Variants in LRRC49 observed in about 807,000 individuals in gnomAD.
The protein encoded by LRRC49 is leucine-rich repeat-containing protein 49.
In LRRC49, 50 loss-of-function variants were observed where a neutral mutation model predicts 83.3. The ratio of observed to expected loss-of-function variants is 0.60; its 90% CI spans 0.48 to 0.76. The LOEUF (loss-of-function observed/expected upper bound fraction) is 0.76. Ranked by LOEUF, LRRC49 falls within the 30% of genes least tolerant of loss-of-function variation. The pLI is 0.00. For synonymous variants in LRRC49, 286 were observed against 283.3 expected (o/e 1.01, Z -0.10); for missense variants, 704 against 809.1 (o/e 0.87, Z 1.58).
At chr15:70,874,120 A>G (rs1174702436) in intron 2 of LRRC49, among the ~76,000 whole-genome samples, 1 of 152,188 alleles carries the variant, frequency 6.6e-6, no homozygotes. Context: ...TCAGAGCCCA[A>G]CATAACTTTT....
intron 2 of LRRC49, chr15:70,882,234 G>GAA: frequency 2.4e-6 from 1 of 409,258 alleles, no homozygotes. Flanking sequence ...AGGATTAAAA[G>GAA]AAAAAAAAAG....
intron 8 of LRRC49, among the ~76,000 whole-genome samples, chr15:70,941,901 A>G (rs144587770): frequency 1.0e-3 from 154 of 152,246 alleles, no homozygotes; most frequent in Admixed American, 2.2e-3. Context: ...GGACATTATG[A>G]GTCAGTTGGA....
chr15:71,002,752 G>T (rs562892473), intron 11 of LRRC49, among the ~76,000 whole-genome samples: 1 of 151,804 alleles, frequency 6.6e-6, no homozygotes, highest in Non-Finnish European at 1.5e-5. Context: ...TTCTGTTCAG[G>T]CCTGTTACGA....
intron 11 of LRRC49, among the ~76,000 whole-genome samples, chr15:70,997,739 T>C (rs892606338): frequency 6.6e-6 from 1 of 152,136 alleles, no homozygotes; most frequent in African/African-American, 2.4e-5. Context: ...CGACAGAGCA[T>C]GACTCCATCT....
Position 70,996,790 on chromosome 15 carries a change from A to G in LRRC49, c.1170-11589A>G, listed in dbSNP as rs180772837. ...CCTTTTTATTTTTCCCACTTTGTACATTGCAACTTCTATCAGCTACACTTT... is the reference window on the plus strand; with the variant it reads ...CCTTTTTATTTTTCCCACTTTGTACGTTGCAACTTCTATCAGCTACACTTT... On this transcript the variant is annotated intron_variant, in intron 11 of 15. Transcript: ENST00000260382. Among the ~76,000 whole-genome samples the G allele has an allele frequency of 4.8e-3, 723 of 152,178 alleles. 2 individuals are homozygous for G. The highest frequency in any genetic ancestry group is 0.01 in the Middle Eastern group (3 of 294).
At position 70,934,056 on chromosome 15, in the gene LRRC49, G is replaced by A. The variant is rs182659906; in HGVS notation, c.712-2705G>A. ...GTCCCCTGTCTAATGAAGTCTGCTT[G>A]CATTTAGCCCTGCTATACAGATTTC... On this transcript the variant is annotated intron_variant, in intron 7 of 15. Transcript: ENST00000260382. 3.9e-5 allele frequency among the ~76,000 whole-genome samples: 6 copies of A among 152,226 alleles called. No individual in the cohort carries two copies. The East Asian group carries it at 9.6e-4, about 24-fold the overall frequency.
chr15:71,044,227 G>T (rs866924097), intron 15 of LRRC49, among the ~76,000 whole-genome samples: 14 of 152,276 alleles, frequency 9.2e-5, no homozygotes, highest in East Asian at 7.7e-4. Flanking sequence ...CAGAGAAGAG[G>T]CCAGCTGGAA....
chr15:70,985,263 C>T (rs1214310580), intron 11 of LRRC49, among the ~76,000 whole-genome samples: 1 of 150,636 alleles, frequency 6.6e-6, no homozygotes, highest in Non-Finnish European at 1.5e-5. Context: ...AAAAGTGTTC[C>T]TATTTCTCCA....
At position 70,907,842 on chromosome 15, in the gene LRRC49, C is replaced by A. The variant is rs1448190936; in HGVS notation, c.500+3087C>A. ...GAACTTCTTTTTTAAATAAATCTTTCAGGTCACATTGGTGTTAACGTAAAA... is the reference window on the plus strand; with the variant it reads ...GAACTTCTTTTTTAAATAAATCTTTAAGGTCACATTGGTGTTAACGTAAAA... On this transcript the variant is annotated intron_variant, in intron 5 of 15. Transcript: ENST00000260382. 1.0e-5 allele frequency: 4 copies of A among 390,466 alleles called. No individual in the cohort carries two copies. The East Asian group carries it at 2.2e-4, about 22-fold the overall frequency. The allele number at this position is 390,466 out of a possible 1,614,324, so 24.2% of individuals were successfully genotyped here. A position where few individuals can be genotyped will look rare whatever the true frequency, so the allele number is the denominator to read the frequency against.
intron 13 of LRRC49, among the ~76,000 whole-genome samples, chr15:71,010,471 G>A (rs1429756585): frequency 6.6e-6 from 1 of 151,376 alleles, no homozygotes; most frequent in Non-Finnish European, 1.5e-5. Flanking sequence ...CTTACAAAAA[G>A]AAGAGATGAA....
chr15:71,037,428 C>G lies in LRRC49; in HGVS notation c.1857+96C>G. ...TACATTTTACCCTTAGTTAAGATAACTTTTTTGTTCTGGAATATTTGTCAA... is the reference window on the plus strand; with the variant it reads ...TACATTTTACCCTTAGTTAAGATAAGTTTTTTGTTCTGGAATATTTGTCAA... On this transcript the variant is annotated intron_variant, in intron 15 of 15. Coordinates refer to ENST00000260382, the MANE Select transcript of LRRC49 (RefSeq NM_017691.5). 3 of 1,020,584 alleles carry G rather than the reference C, an allele frequency of 2.9e-6. No individual in the cohort carries two copies. In the Middle Eastern group the frequency reaches 7.2e-4, roughly 246 times the overall value. The allele number at this position is 1,020,584 out of a possible 1,614,324, so 63.2% of individuals were successfully genotyped here.
intron 1 of LRRC49, among the ~76,000 whole-genome samples, chr15:70,864,553 A>G (rs1447929333): frequency 1.3e-5 from 2 of 152,066 alleles, no homozygotes; most frequent in East Asian, 3.9e-4. Flanking sequence ...GCCATACTGA[A>G]TTTCTCTTAG....
chr15:71,004,842 T>C (rs1700632955), intron 11 of LRRC49, among the ~76,000 whole-genome samples: 4 of 151,870 alleles, frequency 2.6e-5, no homozygotes, highest in Admixed American at 2.6e-4. Flanking sequence ...AGGAGCTAAA[T>C]GATGAGAACA....
intron 7 of LRRC49, among the ~76,000 whole-genome samples, chr15:70,933,106 C>G (rs1196828603): frequency 6.6e-6 from 1 of 152,100 alleles, no homozygotes; most frequent in Non-Finnish European, 1.5e-5. Flanking sequence ...TCTCAGAAAA[C>G]AAATCAGTAT....
intron 11 of LRRC49, among the ~76,000 whole-genome samples, chr15:71,005,365 A>AAT (rs1453725895): frequency 3.3e-5 from 5 of 152,164 alleles, no homozygotes; most frequent in East Asian, 3.9e-4. Flanking sequence ...TATTATATTT[A>AAT]ATATATATAT....
intron 7 of LRRC49, among the ~76,000 whole-genome samples, chr15:70,935,553 A>G (rs1425967027): frequency 6.6e-6 from 1 of 152,170 alleles, no homozygotes; most frequent in East Asian, 1.9e-4. Flanking sequence ...TAGTTTTCAG[A>G]TGGAGGGAAG....
intron 2 of LRRC49, among the ~76,000 whole-genome samples, chr15:70,874,123 T>C (rs532256588): frequency 6.6e-6 from 1 of 152,278 alleles, no homozygotes; most frequent in East Asian, 1.9e-4. Context: ...GAGCCCAACA[T>C]AACTTTTGAG....
intron 11 of LRRC49, among the ~76,000 whole-genome samples, chr15:70,989,749 C>G (rs2037787297): frequency 6.6e-6 from 1 of 152,074 alleles, no homozygotes; most frequent in African/African-American, 2.4e-5. Flanking sequence ...GTTTTTTCCC[C>G]ATCTTTGTGG....
At chr15:70,891,943 G>A, upstream of LRRC49, 2 of 1,613,678 alleles carry the variant, frequency 1.2e-6, no homozygotes, top group Non-Finnish European at 1.7e-6. Context: ...CTCCTCGCGT[G>A]TCCAGGCGGC....
Sources: allele counts gnomAD v4.1 joint callset (sites outside exome capture counted in the v4.1 genomes callset), GRCh38; gene constraint gnomAD v4.1.1; transcripts MANE v1.5; gene names NCBI Gene and HGNC (gene_info 2026-07-23, HGNC 2026-07-21).